Variants in C6orf89 observed in about 807,000 individuals in gnomAD.
C6orf89 encodes the protein chromosome 6 open reading frame 89, also known as bombesin receptor-activated protein C6orf89.
Under a neutral mutation model 40.7 loss-of-function variants are expected in C6orf89, and 29 were observed. The observed-to-expected ratio is 0.71, with a 90% confidence interval of 0.53 to 0.97. The LOEUF (loss-of-function observed/expected upper bound fraction) is 0.97, where lower values mean the gene tolerates loss of function less well. Ranked by LOEUF, C6orf89 falls within the 50% of genes least tolerant of loss-of-function variation. The pLI, the probability that C6orf89 is intolerant of heterozygous loss-of-function variation, is 0.00. For synonymous variants in C6orf89, 165 were observed against 152.2 expected (o/e 1.08, Z -0.62); for missense variants, 392 against 429.1 (o/e 0.91, Z 0.76).
At chr6:36,905,052 T>C (rs1050932863) in intron 4 of C6orf89, among the ~76,000 whole-genome samples, 1 of 152,230 alleles carries the variant, frequency 6.6e-6, no homozygotes, top group East Asian at 1.9e-4. Flanking sequence ...CATGGAAACA[T>C]CCCGCTCTGC....
chr6:36,907,842 A>T (rs927643977), intron 4 of C6orf89, among the ~76,000 whole-genome samples: 1 of 152,236 alleles, frequency 6.6e-6, no homozygotes, highest in Non-Finnish European at 1.5e-5. Flanking sequence ...CATATTAGGT[A>T]GTCAAAAGCC....
At chr6:36,879,358 AAC>A (rs1295631591) in intron 2 of C6orf89, among the ~76,000 whole-genome samples, 1 of 152,104 alleles carries the variant, frequency 6.6e-6, no homozygotes, top group Admixed American at 6.5e-5. Context: ...CTCTGGCCGG[AAC>A]AACAACAAAA....
At chr6:36,914,466 G>A in intron 5 of C6orf89, 31 bp downstream of exon 5, 1 of 1,613,500 alleles carries the variant, frequency 6.2e-7, no homozygotes, top group Non-Finnish European at 8.5e-7. Flanking sequence ...CCCGCTGATT[G>A]GCTGCTTGCT....
At chr6:36,878,520 A>G (rs761067558) in intron 1 of C6orf89, among the ~76,000 whole-genome samples, 7 of 152,232 alleles carry the variant, frequency 4.6e-5, no homozygotes, top group South Asian at 4.1e-4. Flanking sequence ...TATTTATGCC[A>G]TAGGGTTGAT....
chr6:36,887,634 G>A (rs193026981), intron 1 of C6orf89, among the ~76,000 whole-genome samples: 1 of 152,214 alleles, frequency 6.6e-6, no homozygotes, highest in Admixed American at 6.5e-5. Flanking sequence ...GTATGACAGT[G>A]TAGAATGTGA....
At position 36,914,324 on chromosome 6, in the gene C6orf89, G is replaced by A. The variant is rs757461834; in HGVS notation, c.444G>A (p.Glu148=). Residue 148 remains glutamate (E), a synonymous_variant, in exon 5 of 9, where the codon GAG becomes GAA. Coordinates refer to ENST00000480824, the MANE Select transcript of C6orf89 (RefSeq NM_001286635.2). The part of the protein sequence containing the change: ...PWWTNDCEQN[E]SEPIPANCTG... The stretch of plus-strand genomic sequence containing the variant: ...GGACAAACGACTGTGAGCAGAATGA[G>A]TCAGAGCCCATTCCTGCCAACTGCA... 7 of 1,614,064 alleles carry A rather than the reference G, an allele frequency of 4.3e-6. No homozygotes were observed. Among genetic ancestry groups the A allele is most frequent in the Admixed American group, 1.7e-5 (1 of 59,996 alleles).
At chr6:36,876,889 G>A (rs904255924) in intron 1 of C6orf89, among the ~76,000 whole-genome samples, 2 of 152,152 alleles carry the variant, frequency 1.3e-5, no homozygotes, top group Admixed American at 1.3e-4. Context: ...GCCATGAGGG[G>A]TCAAATCAAA....
At chr6:36,887,754 C>T (rs1321761422) in intron 1 of C6orf89, among the ~76,000 whole-genome samples, 2 of 152,268 alleles carry the variant, frequency 1.3e-5, no homozygotes, top group African/African-American at 2.4e-5. Flanking sequence ...AATCTCATTC[C>T]ATCACCCAGG....
upstream of C6orf89, among the ~76,000 whole-genome samples, chr6:36,885,127 A>G (rs964928003): frequency 9.2e-5 from 14 of 152,244 alleles, no homozygotes; most frequent in African/African-American, 3.4e-4. Context: ...GTCCTTGTGG[A>G]TGAACTGTAA....
chr6:36,875,831 G>A (rs1774637984), intron 1 of C6orf89, among the ~76,000 whole-genome samples: 1 of 152,228 alleles, frequency 6.6e-6, no homozygotes, highest in Non-Finnish European at 1.5e-5. Context: ...TACAGCTGGT[G>A]CACTTGTGCT....
chr6:36,917,605 A>G (rs1174941151), intron 7 of C6orf89, among the ~76,000 whole-genome samples: 1 of 152,150 alleles, frequency 6.6e-6, no homozygotes, highest in Non-Finnish European at 1.5e-5. Context: ...CTTGGCTCCA[A>G]ATTTGCTGAA....
chr6:36,923,228 T>G, intron 8 of C6orf89, 119 bp from the exon 9 acceptor site: 1 of 638,970 alleles, frequency 1.6e-6, no homozygotes, highest in South Asian at 2.0e-5. Flanking sequence ...GAAAAAGATT[T>G]GTCTTTGACT....
Position 36,879,499 on chromosome 6 carries a change from T to A in C6orf89, c.-503+367T>A, listed in dbSNP as rs138936917. ...CAAAAGAGTAAGAATTTCTTACCAG[T>A]CAGATTTTTGGCTTCTCTCTCTCTG... On this transcript the variant is annotated intron_variant, in intron 2 of 9. Coordinates refer to the C6orf89 transcript ENST00000359359. Among the ~76,000 whole-genome samples, 8 of 152,312 alleles carry A rather than the reference T, an allele frequency of 5.3e-5. No homozygotes were observed. The East Asian group carries it at 1.4e-3, about 26-fold the overall frequency.
intron 2 of C6orf89, among the ~76,000 whole-genome samples, chr6:36,898,259 T>C (rs995912447): frequency 2.7e-5 from 4 of 150,210 alleles, no homozygotes; most frequent in African/African-American, 9.8e-5. Context: ...ATTTTTAAAA[T>C]TTGTTTTTCT....
Position 36,899,433 on chromosome 6 carries a change from A to G in C6orf89, c.-12A>G, listed in dbSNP as rs2150690726. 7 of 1,614,000 alleles carry G rather than the reference A, an allele frequency of 4.3e-6. No individual in the cohort carries two copies. Among genetic ancestry groups the G allele is most frequent in the Non-Finnish European group, 5.9e-6 (7 of 1,179,920 alleles). ...TCTCTCCGTCTCTCTCAGGGATTTT[A>G]TATTGGAAGACATGGATCTTGCTGC... is the stretch of plus-strand genomic sequence containing the variant. On this transcript the variant is annotated 5_prime_UTR_variant, in exon 3 of 9. Coordinates refer to ENST00000480824, the MANE Select transcript of C6orf89 (RefSeq NM_001286635.2).
intron 8 of C6orf89, among the ~76,000 whole-genome samples, chr6:36,921,153 A>C (rs1020975383): frequency 1.4e-5 from 2 of 145,898 alleles, no homozygotes; most frequent in Admixed American, 6.8e-5. Context: ...GGCCAGTCAC[A>C]TGACAGAACA....
In C6orf89 at chr6:36,874,821, T is replaced by C. The variant is rs542733727; in HGVS notation, c.-628+2854T>C. 8 of 1,600,628 alleles carry C rather than the reference T, an allele frequency of 5.0e-6. No homozygotes were observed. In the Admixed American group the frequency reaches 1.4e-4, roughly 27 times the overall value. On this transcript the variant is annotated intron_variant, in intron 1 of 9. Coordinates refer to the C6orf89 transcript ENST00000359359. ...TGTCTAGTAATTGCTACTTCCGGCG[T>C]CGATTAGCTGGGGACCCGTCGCTGC... is the stretch of plus-strand genomic sequence containing the variant.
rs78517696 is a variant in C6orf89, at chr6:36,889,940, G to A, written c.-120+3912G>A. The stretch of plus-strand genomic sequence containing the variant: ...AAACAGAAAGAAAATATAGCCAAAT[G>A]TAAACAACTGGTAAATCTAAATGAA... On this transcript the variant is annotated intron_variant, in intron 1 of 8. Coordinates refer to ENST00000480824, the MANE Select transcript of C6orf89 (RefSeq NM_001286635.2). Among the ~76,000 whole-genome samples, 3 of 152,314 alleles carry A rather than the reference G, an allele frequency of 2.0e-5. No individual in the cohort carries two copies. In the East Asian group the frequency reaches 5.8e-4, roughly 29 times the overall value.
rs1762238807 is a variant in C6orf89 at position 36,914,360 on chromosome 6, C to T, written c.480C>T (p.Ala160=). The stretch of plus-strand genomic sequence containing the variant: ...TTCCTGCCAACTGCACTGGCTGTGC[C>T]CAGAAACACCTGAAGGTGATGCTCC... ...EPIPANCTGC[A]QKHLKVMLLE... is the part of the protein sequence containing the mutation. The change falls in exon 5 of 9, where the codon GCC becomes GCT. Residue 160 remains alanine, a synonymous_variant. Coordinates refer to ENST00000480824, the MANE Select transcript of C6orf89 (RefSeq NM_001286635.2). 6.2e-7 allele frequency: 1 copy of T among 1,614,034 alleles called. No individual in the cohort carries two copies. The highest frequency in any genetic ancestry group is 1.3e-5 in the African/African-American group (1 of 74,910).
Sources: gnomAD v4.1 joint callset for allele counts (sites outside exome capture counted in the v4.1 genomes callset) on GRCh38, gnomAD v4.1.1 for gene constraint, MANE v1.5 for transcripts, NCBI Gene and HGNC (gene_info 2026-07-23, HGNC 2026-07-21) for gene names.